Variants in INPP5D observed in about 807,000 individuals in gnomAD.
The protein encoded by INPP5D is inositol polyphosphate-5-phosphatase D.
In INPP5D, 33 loss-of-function variants were observed where a neutral mutation model predicts 122.9. The ratio of observed to expected loss-of-function variants is 0.27; its 90% confidence interval spans 0.20 to 0.36. The LOEUF (loss-of-function observed/expected upper bound fraction) is 0.36. INPP5D is among the 10% of genes least tolerant of loss of function. The pLI is 1.00. For missense variants in INPP5D, 1,053 were observed against 1,412.7 expected, an observed-to-expected ratio of 0.75 and a Z score of 4.08; for synonymous variants, 584 against 576.2, an observed-to-expected ratio of 1.01 and a Z score of -0.19.
intron 1 of INPP5D, among the ~76,000 whole-genome samples, chr2:233,077,381 T>C (rs768282949): frequency 6.6e-6 from 1 of 152,066 alleles, no homozygotes; most frequent in Non-Finnish European, 1.5e-5. Flanking sequence ...TTAAACAGGG[T>C]CAAGTGCAGT....
chr2:233,182,357 T>C, intron 18 of INPP5D, 53 bp from the exon 19 acceptor site: 1 of 1,608,434 alleles, frequency 6.2e-7, no homozygotes, highest in Non-Finnish European at 8.5e-7. Context: ...ATCCTTGGCC[T>C]GACCGGAAGG....
At chr2:233,063,435 A>AG (rs1453000622) in intron 1 of INPP5D, among the ~76,000 whole-genome samples, 1 of 152,214 alleles carries the variant, frequency 6.6e-6, no homozygotes, top group Non-Finnish European at 1.5e-5. Flanking sequence ...GAGTCTCAGG[A>AG]ACTGAGAGCA....
At chr2:233,194,750 C>T (rs1431992187) in intron 23 of INPP5D, among the ~76,000 whole-genome samples, 2 of 151,574 alleles carry the variant, frequency 1.3e-5, no homozygotes, top group African/African-American at 4.9e-5. Context: ...CACCTGTCTC[C>T]GCCTCCTGAA....
At position 233,163,808 on chromosome 2, in the gene INPP5D, G is replaced by A; in HGVS notation, c.1342G>A (p.Val448Met). ...GGACTACATCCCCCATGACATTTACGTGATCGGCACCCAAGAGGACCCCCT... is the reference window on the plus strand; with the variant it reads ...GGACTACATCCCCCATGACATTTACATGATCGGCACCCAAGAGGACCCCCT... The part of the protein sequence containing the change: ...SADYIPHDIY[V>M]IGTQEDPLSE... The change falls in exon 12 of 27, where the codon GTG (valine) becomes ATG (methionine). Residue 448 changes from valine to methionine, a missense_variant. By Grantham distance (21) the Val-to-Met change is conservative (BLOSUM62 1). Transcript: ENST00000445964. The A allele has an allele frequency of 6.2e-7, 1 of 1,613,922 alleles. No individual in the cohort carries two copies. The highest frequency in any genetic ancestry group is 8.5e-7 in the Non-Finnish European group (1 of 1,179,890).
At chr2:233,182,794 G>A (rs1462344044) in intron 19 of INPP5D, among the ~76,000 whole-genome samples, 1 of 152,100 alleles carries the variant, frequency 6.6e-6, no homozygotes, top group Non-Finnish European at 1.5e-5. Flanking sequence ...TAATTCTCCG[G>A]GTGGGATGGG....
At chr2:233,156,189 G>A (rs1476211461) in intron 9 of INPP5D, among the ~76,000 whole-genome samples, 1 of 152,262 alleles carries the variant, frequency 6.6e-6, no homozygotes, top group African/African-American at 2.4e-5. Context: ...ACAGGAGCCA[G>A]TGTGGCTGGT....
At chr2:233,069,187 C>A (rs28605384) in intron 1 of INPP5D, among the ~76,000 whole-genome samples, 1 of 152,072 alleles carries the variant, frequency 6.6e-6, no homozygotes, top group African/African-American at 2.4e-5. Flanking sequence ...AGGCCCCTAA[C>A]AGTTTGGGTT....
intron 5 of INPP5D, among the ~76,000 whole-genome samples, chr2:233,137,883 TATATATATATATATAC>T (rs1375065181): frequency 1.3e-4 from 8 of 60,990 alleles, no homozygotes; most frequent in East Asian, 3.6e-4. Context: ...TATATATATA[TATATATATATATATAC>T]ACACACACAC....
In INPP5D at chr2:233,122,211, G is replaced by A. The variant is rs1261479532; in HGVS notation, c.303G>A (p.Val101=). 6.2e-7 allele frequency: 1 copy of A among 1,613,840 alleles called. No individual in the cohort carries two copies. Among genetic ancestry groups the A allele is most frequent in the East Asian group, 2.2e-5 (1 of 44,900 alleles). ...MGLVTHLQYP[V]PLEEEDTGDD... ...TGGTGACCCATCTGCAATACCCTGT[G>A]CCGCTGGAGGAAGAGGACACAGGCG... The change falls in exon 3 of 27, where the codon GTG becomes GTA. Residue 101 remains valine (V), a synonymous_variant. Coordinates refer to ENST00000445964, the MANE Select transcript of INPP5D (RefSeq NM_001017915.3).
Position 233,082,631 on chromosome 2 carries a change from A to G in INPP5D, c.198+3233A>G, listed in dbSNP as rs562275787. Among the ~76,000 whole-genome samples, 1 of 152,300 alleles carries G rather than the reference A, an allele frequency of 6.6e-6. No individual in the cohort carries two copies. The highest frequency in any genetic ancestry group is 2.4e-5 in the African/African-American group (1 of 41,560). ...TCTTTGTTCTTTGCAGACCAACTTCATGGAGTTGGCCCACGTGTCATAGCC... is the reference window on the plus strand; with the variant it reads ...TCTTTGTTCTTTGCAGACCAACTTCGTGGAGTTGGCCCACGTGTCATAGCC... On this transcript the variant is annotated intron_variant, in intron 2 of 26. Transcript: ENST00000445964. The surrounding 1 kb of genome is among the most constrained non-coding windows in gnomAD (Gnocchi z 4.7).
chr2:233,130,589 G>C lies in INPP5D; in HGVS notation c.606G>C (p.Gly202=). Residue 202 remains glycine, a synonymous_variant, in exon 5 of 27, where the codon GGG becomes GGC. Coordinates refer to ENST00000445964, the MANE Select transcript of INPP5D (RefSeq NM_001017915.3). Reference sequence around the variant, plus strand: ...AGGACTCTGAATTTGTGAAGACAGGGTCCAGCAGTCTTCCTCACCTGAAGA... The same window carrying C: ...AGGACTCTGAATTTGTGAAGACAGGCTCCAGCAGTCTTCCTCACCTGAAGA... ...LAQDSEFVKT[G]SSSLPHLKKL... 2 of 1,613,926 alleles carry C rather than the reference G, an allele frequency of 1.2e-6. No homozygotes were observed. Among genetic ancestry groups the C allele is most frequent in the Non-Finnish European group, 1.7e-6 (2 of 1,179,862 alleles).
chr2:233,091,559 A>C (rs1018954988), intron 2 of INPP5D, among the ~76,000 whole-genome samples: 1 of 152,150 alleles, frequency 6.6e-6, no homozygotes, highest in African/African-American at 2.4e-5. Context: ...TGGCCCATCA[A>C]GTCTTTCTCA....
At chr2:233,131,497 G>C (rs2106265089) in intron 5 of INPP5D, among the ~76,000 whole-genome samples, 1 of 151,182 alleles carries the variant, frequency 6.6e-6, no homozygotes, top group Non-Finnish European at 1.5e-5. Flanking sequence ...AGCAGTTTGA[G>C]ACCAGCCTGG....
chr2:233,169,638 G>C (rs1334350130), intron 14 of INPP5D: 19 of 633,588 alleles, frequency 3.0e-5, no homozygotes, highest in Non-Finnish European at 4.5e-5. Flanking sequence ...TCATTAGCCT[G>C]ATGGACCGCT....
intron 2 of INPP5D, among the ~76,000 whole-genome samples, chr2:233,089,512 G>A (rs558321152): frequency 6.6e-6 from 1 of 152,308 alleles, no homozygotes; most frequent in East Asian, 1.9e-4. Flanking sequence ...AAGGCTACTG[G>A]CCTTTGTTTC....
In INPP5D at chr2:233,060,569, C is replaced by T; in HGVS notation, c.91C>T (p.Arg31Cys). 2 of 1,614,024 alleles carry T rather than the reference C, an allele frequency of 1.2e-6. No individual in the cohort carries two copies. Among genetic ancestry groups the T allele is most frequent in the Non-Finnish European group, 1.7e-6 (2 of 1,179,880 alleles). Reference protein sequence around the residue: ...RTGKDGSFLVRASESISRAYA... With the variant: ...RTGKDGSFLVCASESISRAYA... ...AGGCAAGGACGGGAGCTTCCTCGTG[C>T]GTGCCAGCGAGTCCATCTCCCGGGC... Residue 31 changes from arginine (R) to cysteine (C), a missense_variant, in exon 1 of 27, where the codon CGT becomes TGT. Physicochemically the swap from Arg to Cys is radical, Grantham distance 180. This residue lies in a region of INPP5D where 74 missense variants were observed against 146.6 expected (regional missense o/e 0.50). Coordinates refer to ENST00000445964, the MANE Select transcript of INPP5D (RefSeq NM_001017915.3).
rs954462979 is a variant in INPP5D at position 233,195,466 on chromosome 2, C to A, written c.2664C>A (p.Asp888Glu). The A allele has an allele frequency of 1.2e-6, 2 of 1,613,854 alleles. No individual in the cohort carries two copies. Among genetic ancestry groups the A allele is most frequent in the Admixed American group, 1.7e-5 (1 of 60,002 alleles). ...PKTLKSLTSHDPMKQWEVTSR... is the reference protein window; with the variant it reads ...PKTLKSLTSHEPMKQWEVTSR... The stretch of plus-strand genomic sequence containing the variant: ...CCCTGAAGAGCCTCACCAGCCACGA[C>A]CCCATGAAGCAGTGGGAAGTCACTA... Residue 888 changes from aspartate (D) to glutamate (E), a missense_variant, in exon 24 of 27, where the codon GAC becomes GAA. Physicochemically the swap from Asp to Glu is conservative, Grantham distance 45. This residue lies in a region of INPP5D where 417 missense variants were observed against 425.8 expected (regional missense o/e 0.98). Coordinates refer to ENST00000445964, the MANE Select transcript of INPP5D (RefSeq NM_001017915.3).
At chr2:233,168,806 GCC>G (rs1694413424) in intron 13 of INPP5D, 1 of 153,606 alleles carries the variant, frequency 6.5e-6, no homozygotes, top group Admixed American at 6.4e-5. Flanking sequence ...CTGAGAATCT[GCC>G]CTTCCATGAA....
At chr2:233,198,977 C>T (rs1272478956) in intron 25 of INPP5D, among the ~76,000 whole-genome samples, 304 of 121,360 alleles carry the variant, frequency 2.5e-3, no homozygotes, top group African/African-American at 8.7e-3. Context: ...CGGCCGGGCA[C>T]GGTGGCTCAC....
Sources: allele counts gnomAD v4.1 joint callset (sites outside exome capture counted in the v4.1 genomes callset), GRCh38; gene constraint gnomAD v4.1.1; regional missense constraint gnomAD v4.1.1; non-coding constraint Gnocchi (gnomAD v3.1); transcripts MANE v1.5; gene names NCBI Gene and HGNC (gene_info 2026-07-23, HGNC 2026-07-21).